The following ERCC6 variants were observed in gnomAD, a reference collection of about 807,000 sequenced individuals.
ERCC6 encodes ERCC excision repair 6, chromatin remodeling factor.
ERCC6 carries 116 observed loss-of-function variants against 158.7 expected under a neutral mutation model. The observed-to-expected ratio is 0.73, with a 90% CI of 0.63 to 0.85. The LOEUF (loss-of-function observed/expected upper bound fraction) is 0.85, where lower values mean the gene tolerates loss of function less well. ERCC6 is among the 40% of genes least tolerant of loss of function. The pLI is 0.00. For synonymous variants in ERCC6, 678 were observed against 659.3 expected, an observed-to-expected ratio of 1.03 and a Z score of -0.43; for missense variants, 1,698 against 1,799.4, an observed-to-expected ratio of 0.94 and a Z score of 1.02.
rs1268820871 is a variant in ERCC6, at chr10:49,478,631, A to G, written c.2170-161T>C. Among the ~76,000 whole-genome samples, 7 of 152,190 alleles carry G rather than the reference A, an allele frequency of 4.6e-5. No individual in the cohort carries two copies. The South Asian group carries it at 6.2e-4, about 13-fold the overall frequency. On this transcript the variant is annotated intron_variant, in intron 10 of 20. Coordinates refer to ENST00000355832, the MANE Select transcript of ERCC6 (RefSeq NM_000124.4). ...TGCAAAATGGTTTGAAAAAGCTAGC[A>G]TAAGTTCCATATACTCCAAGGGGTG...
intron 6 of ERCC6, chr10:49,501,956 T>C (rs548777282): frequency 2.6e-4 from 40 of 152,198 alleles, no homozygotes; most frequent in Admixed American, 1.8e-3. Context: ...TGAGACCCCA[T>C]CTCTAATAAA....
At position 49,460,424 on chromosome 10, in the gene ERCC6, A is replaced by G; in HGVS notation, c.4011T>C (p.Ser1337=). The G allele has an allele frequency of 6.2e-7, 1 of 1,613,628 alleles. No individual in the cohort carries two copies. Among genetic ancestry groups the G allele is most frequent in the Non-Finnish European group, 8.5e-7 (1 of 1,179,510 alleles). The change falls in exon 20 of 21, where the codon TCT becomes TCC. Residue 1337 remains serine, a synonymous_variant. Transcript: ENST00000355832. ...ATGAAGGATGCTGCACAGAGAAGTT[A>G]GAATTCCTTTTCTTACCAAATCTAC... is the stretch of plus-strand genomic sequence containing the variant. ...KKSRFGKKRN[S]NFSVQHPSST...
intron 8 of ERCC6, 75 bp from the exon 9 acceptor site, chr10:49,483,591 G>A: frequency 7.0e-7 from 1 of 1,429,224 alleles, no homozygotes; most frequent in South Asian, 1.2e-5. Context: ...ACAATCTAAA[G>A]TACTTTATAA....
intron 8 of ERCC6, among the ~76,000 whole-genome samples, chr10:49,490,886 T>TA (rs1851163668): frequency 6.6e-6 from 1 of 152,116 alleles, no homozygotes; most frequent in African/African-American, 2.4e-5. Flanking sequence ...TCATCCACTG[T>TA]AAAAAGAAAT....
chr10:49,489,103 C>T (rs1024595127), intron 8 of ERCC6, among the ~76,000 whole-genome samples: 14 of 152,084 alleles, frequency 9.2e-5, no homozygotes, highest in Admixed American at 4.6e-4. Context: ...TTTTTAACCA[C>T]GCCCTGCACT....
At position 49,490,386 on chromosome 10, in the gene ERCC6, G is replaced by A. The variant is rs946338802; in HGVS notation, c.1821+2731C>T. On this transcript the variant is annotated intron_variant, in intron 8 of 20. Transcript: ENST00000355832. Reference sequence around the variant, plus strand: ...TTTTTTTTTTTTGAGACAGAGTCTCGCTCTGTCGCCCAGGCTAGAGTGCAG... The same window carrying A: ...TTTTTTTTTTTTGAGACAGAGTCTCACTCTGTCGCCCAGGCTAGAGTGCAG... 5.0e-5 allele frequency among the ~76,000 whole-genome samples: 7 copies of A among 138,728 alleles called. No homozygotes were observed. In the East Asian group the frequency reaches 6.3e-4, roughly 12 times the overall value. 91.0% of individuals were successfully genotyped at this position (138,728 alleles called of 152,430 possible).
chr10:49,440,255 T>C, the ERCC6 span, among the ~76,000 whole-genome samples: 24 of 152,314 alleles, frequency 1.6e-4, no homozygotes, highest in African/African-American at 5.8e-4. Context: ...CTCAGAATCA[T>C]GGCAGGAGGT....
At chr10:49,438,418 G>A in the ERCC6 span, among the ~76,000 whole-genome samples, 1 of 152,158 alleles carries the variant, frequency 6.6e-6, no homozygotes, top group Non-Finnish European at 1.5e-5. Flanking sequence ...AAACCCATCA[G>A]ATCTCGTGAA....
intron 18 of ERCC6, among the ~76,000 whole-genome samples, chr10:49,468,803 G>A (rs1159276713): frequency 6.6e-6 from 1 of 152,142 alleles, no homozygotes; most frequent in African/African-American, 2.4e-5. Context: ...TTCCAGGGCT[G>A]GCACAGAATA....
intron 12 of ERCC6, chr10:49,475,392 T>C (rs4838522): frequency 0.11 from 50,690 of 445,430 alleles, 3,527 homozygotes; most frequent in South Asian, 0.2. Context: ...TAGTTTGCAT[T>C]CCCTTTCCTG....
At chr10:49,535,265 T>C (rs1837570156) in intron 1 of ERCC6, among the ~76,000 whole-genome samples, 1 of 152,198 alleles carries the variant, frequency 6.6e-6, no homozygotes, top group African/African-American at 2.4e-5. Context: ...TCAGTACCAT[T>C]TGCAGCATGC....
chr10:49,460,009 C>A (rs1850549065), intron 20 of ERCC6: 1 of 352,406 alleles, frequency 2.8e-6, no homozygotes, highest in Admixed American at 4.2e-5. Flanking sequence ...GAGTTACAGA[C>A]ACCAACATTC....
At chr10:49,481,016 T>C (rs1850969438) in intron 10 of ERCC6, among the ~76,000 whole-genome samples, 1 of 152,236 alleles carries the variant, frequency 6.6e-6, no homozygotes, top group Admixed American at 6.5e-5. Context: ...TTAAACTTCG[T>C]TCTGATTTTG....
the ERCC6 span, among the ~76,000 whole-genome samples, chr10:49,446,741 G>T: frequency 6.6e-6 from 1 of 152,208 alleles, no homozygotes; most frequent in African/African-American, 2.4e-5. Flanking sequence ...TCAAAAGTTT[G>T]CAGTGAGCTA....
At chr10:49,449,917 G>C (rs1850402788), downstream of ERCC6, among the ~76,000 whole-genome samples, 1 of 151,880 alleles carries the variant, frequency 6.6e-6, no homozygotes, top group South Asian at 2.1e-4. Flanking sequence ...CTGTCACCCA[G>C]GCTGGAGTAC....
At position 49,474,099 on chromosome 10, in the gene ERCC6, A is replaced by G. The variant is rs1446768044; in HGVS notation, c.2526T>C (p.Ile842=). ...FGYWKRSGKM[I]VVESLLKIWH... ...ATATTTTCAACAAAGACTCAACAAC[A>G]ATCATTTTCCCAGAACGTTTCCAGT... The change falls in exon 13 of 21, where the codon ATT becomes ATC. Residue 842 remains isoleucine, a synonymous_variant. Transcript: ENST00000355832. 1 of 1,614,110 alleles carries G rather than the reference A, an allele frequency of 6.2e-7. No individual in the cohort carries two copies. The highest frequency in any genetic ancestry group is 1.7e-5 in the Admixed American group (1 of 60,018).
the ERCC6 span, among the ~76,000 whole-genome samples, chr10:49,448,211 A>T: frequency 3.3e-5 from 5 of 152,184 alleles, no homozygotes; most frequent in African/African-American, 1.2e-4. Flanking sequence ...ATTGAGTTTT[A>T]AAAAAATTAT....
the ERCC6 span, among the ~76,000 whole-genome samples, chr10:49,446,835 T>C: frequency 6.6e-6 from 1 of 152,116 alleles, no homozygotes; most frequent in Non-Finnish European, 1.5e-5. Context: ...AAAAATTCAA[T>C]GGATAGCTTA....
At chr10:49,444,078 T>C in the ERCC6 span, among the ~76,000 whole-genome samples, 119 of 152,320 alleles carry the variant, frequency 7.8e-4, 1 homozygote, top group African/African-American at 2.6e-3. Flanking sequence ...AGAGGTGTGC[T>C]GGGCCCACAG....
Sources: allele counts gnomAD v4.1 joint callset (sites outside exome capture counted in the v4.1 genomes callset), GRCh38; gene constraint gnomAD v4.1.1; transcripts MANE v1.5; gene names NCBI Gene and HGNC (gene_info 2026-07-23, HGNC 2026-07-21).